Variants in SLC1A1 observed in about 807,000 individuals in gnomAD.
The protein encoded by SLC1A1 is solute carrier family 1 member 1.
SLC1A1 carries 43 observed loss-of-function variants against 53.3 expected under a neutral mutation model. The observed-to-expected ratio is 0.81, with a 90% CI of 0.63 to 1.04. SLC1A1 has a LOEUF of 1.04. Ranked by LOEUF, SLC1A1 falls within the 50% of genes least tolerant of loss-of-function variation. SLC1A1 has a pLI of 0.00. For synonymous variants in SLC1A1, 307 were observed against 243.2 expected (o/e 1.26, Z -2.44); for missense variants, 748 against 664.9 (o/e 1.12, Z -1.37).
rs535270281 is a variant in SLC1A1 at position 4,536,994 on chromosome 9, G to C, written c.92-7573G>C. Among the ~76,000 whole-genome samples the C allele has an allele frequency of 2.0e-5, 3 of 152,164 alleles. No individual in the cohort carries two copies. The East Asian group carries it at 5.8e-4, about 29-fold the overall frequency. ...CACTCACAGGTGGGAATTGAACAAT[G>C]AGAACACTTGGACACAGGAAGGGGA... On this transcript the variant is annotated intron_variant, in intron 1 of 11. Coordinates refer to ENST00000262352, the MANE Select transcript of SLC1A1 (RefSeq NM_004170.6).
At chr9:4,527,528 C>G (rs1816307123) in intron 1 of SLC1A1, among the ~76,000 whole-genome samples, 1 of 152,264 alleles carries the variant, frequency 6.6e-6, no homozygotes, top group Non-Finnish European at 1.5e-5. Flanking sequence ...GATCAATACA[C>G]TAGACTGTTA....
chr9:4,557,296 C>G (rs10974620), intron 2 of SLC1A1, among the ~76,000 whole-genome samples: 37,248 of 152,122 alleles, frequency 0.24, 4,865 homozygotes, highest in East Asian at 0.46. Context: ...AGGAGATTTG[C>G]GCGTAGCATC....
intron 3 of SLC1A1, among the ~76,000 whole-genome samples, chr9:4,562,563 T>TTA (rs1819057899): frequency 1.3e-5 from 2 of 152,218 alleles, no homozygotes; most frequent in Non-Finnish European, 2.9e-5. Context: ...GGAGCTGCTC[T>TTA]TATACCCTTA....
rs375238667 is a variant in SLC1A1 at position 4,564,474 on chromosome 9, C to A, written c.440+16C>A. On this transcript the variant is annotated intron_variant, in intron 4 of 11. Coordinates refer to ENST00000262352, the MANE Select transcript of SLC1A1 (RefSeq NM_004170.6). Reference sequence around the variant, plus strand: ...ATCTCATCAGGTGAGTGTTTTGCCACAAGGTGGCTTCAAGGGCATGCGGAT... The same window carrying A: ...ATCTCATCAGGTGAGTGTTTTGCCAAAAGGTGGCTTCAAGGGCATGCGGAT... 1.3e-6 allele frequency: 2 copies of A among 1,536,696 alleles called. No homozygotes were observed. The highest frequency in any genetic ancestry group is 2.3e-5 in the East Asian group (1 of 44,406).
intron 4 of SLC1A1, among the ~76,000 whole-genome samples, chr9:4,564,775 A>C (rs1819321055): frequency 1.3e-5 from 2 of 152,184 alleles, no homozygotes; most frequent in Non-Finnish European, 2.9e-5. Flanking sequence ...TACATCTTTT[A>C]ATTGTACAGG....
At chr9:4,511,185 T>A (rs187097821) in intron 1 of SLC1A1, among the ~76,000 whole-genome samples, 2 of 152,294 alleles carry the variant, frequency 1.3e-5, no homozygotes, top group African/African-American at 4.8e-5. Flanking sequence ...TGTAACAACA[T>A]CCCACAGACT....
Position 4,567,773 on chromosome 9 carries a change from A to G in SLC1A1, c.582+6A>G, listed in dbSNP as rs76311603. ...TGACAACTGCAATTTCCAAGGTACC[A>G]TTCTTATTTCCTGTTCCTCTTCCCC... On this transcript the variant is annotated splice_donor_region_variant and intron_variant, in intron 6 of 11. Transcript: ENST00000262352. The G allele has an allele frequency of 2.2e-3, 3,434 of 1,558,868 alleles. 114 individuals carry two copies. In the East Asian group the frequency reaches 0.062, roughly 28 times the overall value.
chr9:4,509,823 G>T (rs933971104), intron 1 of SLC1A1, among the ~76,000 whole-genome samples: 1 of 152,148 alleles, frequency 6.6e-6, no homozygotes, highest in Non-Finnish European at 1.5e-5. Flanking sequence ...GTCTAGGAAT[G>T]ATGGCAGGGA....
intron 1 of SLC1A1, among the ~76,000 whole-genome samples, chr9:4,508,451 C>A (rs770574956): frequency 3.9e-5 from 6 of 152,164 alleles, no homozygotes; most frequent in Admixed American, 3.3e-4. Context: ...CTGGTCCTAA[C>A]TTTCCCAACT....
chr9:4,505,544 A>C (rs10814995), intron 1 of SLC1A1, among the ~76,000 whole-genome samples: 52,949 of 152,168 alleles, frequency 0.35, 9,263 homozygotes, highest in Admixed American at 0.43. Flanking sequence ...ATTCAGCATC[A>C]ATGCTGGGTT....
intron 1 of SLC1A1, among the ~76,000 whole-genome samples, chr9:4,522,248 T>C (rs1564005911): frequency 1.3e-5 from 2 of 151,922 alleles, no homozygotes; most frequent in African/African-American, 4.8e-5. Flanking sequence ...AGATGGGGTT[T>C]CACTGAGTTA....
At chr9:4,561,209 C>G (rs1039452440) in intron 2 of SLC1A1, among the ~76,000 whole-genome samples, 2 of 152,308 alleles carry the variant, frequency 1.3e-5, no homozygotes, top group East Asian at 3.9e-4. Context: ...AGGCAGGACA[C>G]TCCTGGAGGT....
intron 1 of SLC1A1, among the ~76,000 whole-genome samples, chr9:4,492,140 G>A (rs1209786494): frequency 6.6e-6 from 1 of 151,864 alleles, no homozygotes; most frequent in Non-Finnish European, 1.5e-5. Context: ...GTGCCAAGTG[G>A]TTTTGGAACT....
intron 1 of SLC1A1, among the ~76,000 whole-genome samples, chr9:4,509,513 G>T (rs547772686): frequency 6.6e-6 from 1 of 151,900 alleles, no homozygotes; most frequent in South Asian, 2.1e-4. Flanking sequence ...CCAAAAGGCA[G>T]GGCCTATGTG....
intron 1 of SLC1A1, among the ~76,000 whole-genome samples, chr9:4,543,788 T>C (rs1201012201): frequency 6.6e-6 from 1 of 152,164 alleles, no homozygotes; most frequent in Non-Finnish European, 1.5e-5. Flanking sequence ...ATTAAAATTA[T>C]AAAAGTTGCA....
intron 1 of SLC1A1, among the ~76,000 whole-genome samples, chr9:4,510,029 T>G (rs1299133710): frequency 1.3e-5 from 2 of 152,150 alleles, no homozygotes; most frequent in Admixed American, 6.5e-5. Context: ...AAATGGGGTT[T>G]TGCTGTGTTG....
At chr9:4,572,493 G>C in intron 7 of SLC1A1, 105 bp downstream of exon 7, 2 of 1,029,596 alleles carry the variant, frequency 1.9e-6, no homozygotes, top group African/African-American at 1.6e-5. Flanking sequence ...AGCTAGAGAA[G>C]TTGGACATTT....
At chr9:4,516,369 A>G (rs1034718329) in intron 1 of SLC1A1, among the ~76,000 whole-genome samples, 1 of 152,236 alleles carries the variant, frequency 6.6e-6, no homozygotes, top group East Asian at 1.9e-4. Context: ...GGGATGTGGC[A>G]GAGCCAGAAT....
intron 4 of SLC1A1, among the ~76,000 whole-genome samples, chr9:4,565,420 C>T (rs984364151): frequency 1.3e-5 from 2 of 152,150 alleles, no homozygotes; most frequent in African/African-American, 4.8e-5. Flanking sequence ...TTAATTAAGT[C>T]ACAGTTCCTC....
Sources: gnomAD v4.1 joint callset for allele counts (sites outside exome capture counted in the v4.1 genomes callset) on GRCh38, gnomAD v4.1.1 for gene constraint, MANE v1.5 for transcripts, NCBI Gene and HGNC (gene_info 2026-07-23, HGNC 2026-07-21) for gene names.